The following ST14 variants were observed in gnomAD, a reference collection of about 807,000 sequenced individuals.
ST14 encodes the protein suppressor of tumorigenicity 14 protein.
ST14 carries 40 observed loss-of-function variants against 96.5 expected under a neutral mutation model. That is an observed-to-expected ratio of 0.41 (90% confidence interval 0.32 to 0.54). The LOEUF (loss-of-function observed/expected upper bound fraction) is 0.54. Ranked by LOEUF, ST14 falls within the 20% of genes least tolerant of loss-of-function variation. The pLI is 0.17. For missense variants in ST14, 1,066 were observed against 1,188.9 expected (o/e 0.90, Z 1.52); for synonymous variants, 506 against 492.1 (o/e 1.03, Z -0.37).
Position 130,198,400 on chromosome 11 carries a change from A to G in ST14, c.1552A>G (p.Ser518Gly). 1.2e-6 allele frequency: 2 copies of G among 1,614,082 alleles called. No homozygotes were observed. Among genetic ancestry groups the G allele is most frequent in the South Asian group, 1.1e-5 (1 of 91,086 alleles). The change falls in exon 13 of 19, where the codon AGC becomes GGC. Residue 518 changes from serine (S) to glycine (G), a missense_variant. By Grantham distance (56) the Ser-to-Gly change is moderately conservative. Coordinates refer to ENST00000278742, the MANE Select transcript of ST14 (RefSeq NM_021978.4). The part of the protein sequence containing the change: ...CDSVNDCGDN[S>G]DEQGCSCPAQ... ...CAGTGTGAACGACTGCGGAGACAAC[A>G]GCGACGAGCAGGGGTGCAGTGAGTG... is the stretch of plus-strand genomic sequence containing the variant.
At position 130,190,445 on chromosome 11, in the gene ST14, C is replaced by G; in HGVS notation, c.635-9C>G. Reference sequence around the variant, plus strand: ...CCCACACGTGCCCTCCTTCTTGTCTCCTGCGCAGACAGCTGCAGCTTTGGC... The same window carrying G: ...CCCACACGTGCCCTCCTTCTTGTCTGCTGCGCAGACAGCTGCAGCTTTGGC... On this transcript the variant is annotated splice_polypyrimidine_tract_variant and intron_variant, in intron 6 of 18. Transcript: ENST00000278742. The G allele has an allele frequency of 6.2e-7, 1 of 1,605,904 alleles. No individual in the cohort carries two copies. The highest frequency in any genetic ancestry group is 1.1e-5 in the South Asian group (1 of 91,078).
chr11:130,194,571 G>A (rs1270179528), intron 8 of ST14, 69 bp from the exon 9 acceptor site: 12 of 1,519,544 alleles, frequency 7.9e-6, no homozygotes, highest in Admixed American at 1.7e-5. Context: ...TCAGGCTGCA[G>A]AGCCCTCGTC....
At chr11:130,163,869 C>A (rs181711299) in intron 1 of ST14, among the ~76,000 whole-genome samples, 1 of 152,322 alleles carries the variant, frequency 6.6e-6, no homozygotes, top group Admixed American at 6.5e-5. Context: ...GAGGGTGGAC[C>A]TGCTCGAGCC....
At chr11:130,167,294 T>A (rs764237685) in intron 1 of ST14, among the ~76,000 whole-genome samples, 1 of 152,248 alleles carries the variant, frequency 6.6e-6, no homozygotes, top group African/African-American at 2.4e-5. Flanking sequence ...GCATGTTTTC[T>A]AAAAAAATTT....
rs1368002171 is a variant in ST14, at chr11:130,209,647, C to A, written c.2407-15C>A. 1 of 1,598,290 alleles carries A rather than the reference C, an allele frequency of 6.3e-7. No homozygotes were observed. The highest frequency in any genetic ancestry group is 8.5e-7 in the Non-Finnish European group (1 of 1,173,082). The stretch of plus-strand genomic sequence containing the variant: ...GCGGGACTGGGGACTCACGGCAGGG[C>A]TTGTCTCCGCCCAGGGTGATTCCGG... On this transcript the variant is annotated splice_polypyrimidine_tract_variant and intron_variant, in intron 18 of 18. Transcript: ENST00000278742.
At chr11:130,163,673 G>A (rs951935471) in intron 1 of ST14, among the ~76,000 whole-genome samples, 1 of 152,230 alleles carries the variant, frequency 6.6e-6, no homozygotes, top group Admixed American at 6.5e-5. Flanking sequence ...TGTCCTGTAG[G>A]TGGGGCTTCA....
chr11:130,192,362 G>A (rs868527377), intron 7 of ST14, among the ~76,000 whole-genome samples: 4 of 152,162 alleles, frequency 2.6e-5, no homozygotes, highest in South Asian at 2.1e-4. Flanking sequence ...AAAGTCACTC[G>A]TCATCTTACT....
Position 130,160,018 on chromosome 11 carries a change from G to A in ST14, c.39G>A (p.Pro13=), listed in dbSNP as rs1266272517. 7.0e-7 allele frequency: 1 copy of A among 1,429,606 alleles called. No individual in the cohort carries two copies. Among genetic ancestry groups the A allele is most frequent in the Admixed American group, 2.7e-5 (1 of 37,448 alleles). The allele number at this position is 1,429,606 out of a possible 1,614,324, so 88.6% of individuals were successfully genotyped here. Residue 13 remains proline (P), a synonymous_variant, in exon 1 of 19, where the codon CCG becomes CCA. Transcript: ENST00000278742. ...GGGCCCGCAAGGGCGGAGGGGGCCC[G>A]AAGGACTTCGGCGCGGGACTCAAGT... The part of the protein sequence containing the change: ...SDRARKGGGG[P]KDFGAGLKYN...
chr11:130,194,876 GCGTA>G, intron 9 of ST14, 139 bp downstream of exon 9: 12 of 813,970 alleles, frequency 1.5e-5, no homozygotes, highest in East Asian at 2.7e-5. Context: ...GTGTGTGTGT[GCGTA>G]TGTGTGTGTG....
chr11:130,164,276 G>T (rs1002694682), intron 1 of ST14, among the ~76,000 whole-genome samples: 6 of 152,168 alleles, frequency 3.9e-5, no homozygotes, highest in Admixed American at 3.9e-4. Context: ...AGCATGGCTG[G>T]CTGCTTGTCT....
At chr11:130,195,420 T>C (rs1200966728) in intron 9 of ST14, among the ~76,000 whole-genome samples, 2 of 151,852 alleles carry the variant, frequency 1.3e-5, no homozygotes, top group East Asian at 3.9e-4. Flanking sequence ...AGCTTGCCCC[T>C]AGGTGAAGTG....
chr11:130,196,824 C>G, intron 11 of ST14, 124 bp downstream of exon 11: 3 of 1,447,184 alleles, frequency 2.1e-6, no homozygotes, highest in Non-Finnish European at 2.9e-6. Context: ...GAGCATCTCA[C>G]CCCTCCCGTA....
intron 1 of ST14, among the ~76,000 whole-genome samples, chr11:130,163,951 T>A (rs1355544061): frequency 3.3e-5 from 5 of 152,164 alleles, no homozygotes; most frequent in African/African-American, 1.2e-4. Context: ...TCCCCCTACC[T>A]GACCCTCACT....
chr11:130,195,024 G>T (rs1953345997), intron 9 of ST14, among the ~76,000 whole-genome samples: 1 of 152,124 alleles, frequency 6.6e-6, no homozygotes, highest in Non-Finnish European at 1.5e-5. Context: ...AAGGCAGGAG[G>T]ATCACTTGAG....
intron 1 of ST14, among the ~76,000 whole-genome samples, chr11:130,175,089 A>T (rs1245519652): frequency 6.6e-6 from 1 of 152,170 alleles, no homozygotes; most frequent in Non-Finnish European, 1.5e-5. Flanking sequence ...TCTGAATTTC[A>T]TTTATGACTG....
intron 16 of ST14, among the ~76,000 whole-genome samples, chr11:130,204,884 G>A (rs767597937): frequency 2.2e-4 from 34 of 152,080 alleles, no homozygotes; most frequent in Non-Finnish European, 3.8e-4. Flanking sequence ...GGGTGGGCAC[G>A]CGAGTGATGT....
chr11:130,160,125 G>T, intron 1 of ST14, 65 bp downstream of exon 1: 1 of 1,158,402 alleles, frequency 8.6e-7, no homozygotes, highest in Non-Finnish European at 1.1e-6. Context: ...GCAGCGCGGC[G>T]CTGGGCTCGG....
intron 1 of ST14, among the ~76,000 whole-genome samples, chr11:130,182,418 G>A (rs569164700): frequency 2.0e-5 from 3 of 151,372 alleles, no homozygotes; most frequent in South Asian, 2.1e-4. Flanking sequence ...GCCTCCCTGG[G>A]TTCAGATCAT....
intron 1 of ST14, 123 bp downstream of exon 1, chr11:130,160,183 G>T: frequency 3.1e-6 from 2 of 649,102 alleles, no homozygotes; most frequent in Non-Finnish European, 4.5e-6. Context: ...GGGCGCACAG[G>T]TGGAATTTCC....
Sources: allele counts gnomAD v4.1 joint callset (sites outside exome capture counted in the v4.1 genomes callset), GRCh38; gene constraint gnomAD v4.1.1; transcripts MANE v1.5; gene names NCBI Gene and HGNC (gene_info 2026-07-23, HGNC 2026-07-21).